The following NGEF variants were observed in gnomAD, a reference collection of about 807,000 sequenced individuals.
NGEF encodes neuronal guanine nucleotide exchange factor.
NGEF carries 31 observed loss-of-function variants against 80.9 expected under a neutral mutation model. The observed-to-expected ratio is 0.38, with a 90% confidence interval of 0.29 to 0.52. NGEF has a LOEUF of 0.52. Among genes scored for constraint, NGEF ranks in the 20% least tolerant of loss-of-function variants. NGEF has a pLI of 0.84. For synonymous variants in NGEF, 371 were observed against 370.2 expected (o/e 1.00, Z -0.03); for missense variants, 709 against 926.2 (o/e 0.77, Z 3.04).
intron 1 of NGEF, among the ~76,000 whole-genome samples, chr2:232,986,337 T>A (rs1406350810): frequency 6.6e-6 from 1 of 152,254 alleles, no homozygotes; most frequent in Non-Finnish European, 1.5e-5. Context: ...AACTACCATG[T>A]GACCCAGCAA....
intron 3 of NGEF, among the ~76,000 whole-genome samples, chr2:232,941,768 A>G (rs992113058): frequency 2.0e-5 from 3 of 152,216 alleles, no homozygotes; most frequent in Non-Finnish European, 4.4e-5. Flanking sequence ...TGTAGTCTCC[A>G]GATTTATTTG....
intron 3 of NGEF, among the ~76,000 whole-genome samples, 160 bp from the exon 4 acceptor site, chr2:232,927,346 G>A (rs538488365): frequency 1.3e-5 from 2 of 152,292 alleles, no homozygotes; most frequent in African/African-American, 4.8e-5. Flanking sequence ...CCTCCCGGCC[G>A]GGCGGGCCCC....
chr2:232,922,002 G>A (rs116248559), intron 4 of NGEF, among the ~76,000 whole-genome samples: 255 of 152,242 alleles, frequency 1.7e-3, no homozygotes, highest in African/African-American at 5.8e-3. Flanking sequence ...GCGTTGGGGT[G>A]GGGTGGATCG....
At chr2:232,905,866 C>CT in intron 5 of NGEF, 3 of 163,710 alleles carry the variant, frequency 1.8e-5, no homozygotes, top group South Asian at 1.4e-4. Flanking sequence ...CGTCTCCGTC[C>CT]GGCAGCCGCC....
At chr2:232,930,469 G>C (rs961045917) in intron 3 of NGEF, among the ~76,000 whole-genome samples, 1 of 152,026 alleles carries the variant, frequency 6.6e-6, no homozygotes, top group African/African-American at 2.4e-5. Context: ...ACAGGCACCC[G>C]CCACCACGCC....
intron 1 of NGEF, among the ~76,000 whole-genome samples, chr2:233,010,858 C>T (rs1019038736): frequency 6.6e-6 from 1 of 152,132 alleles, no homozygotes; most frequent in Non-Finnish European, 1.5e-5. Flanking sequence ...AATTCCACCC[C>T]CTGGTCTGAC....
At chr2:232,898,964 G>T (rs998874718) in intron 5 of NGEF, among the ~76,000 whole-genome samples, 1 of 151,482 alleles carries the variant, frequency 6.6e-6, no homozygotes, top group African/African-American at 2.5e-5. Context: ...GAATGTGTGT[G>T]TGAATGCATG....
At chr2:232,913,522 A>G (rs1692732116) in intron 5 of NGEF, among the ~76,000 whole-genome samples, 1 of 152,170 alleles carries the variant, frequency 6.6e-6, no homozygotes, top group Non-Finnish European at 1.5e-5. Context: ...ATAACCTTAC[A>G]GATGTTATGT....
chr2:232,900,622 G>A (rs28590434), intron 5 of NGEF, among the ~76,000 whole-genome samples: 28 of 67,386 alleles, frequency 4.2e-4, no homozygotes, highest in East Asian at 7.9e-4. Flanking sequence ...ATACACACAC[G>A]CTCTCACAGT....
At position 232,974,668 on chromosome 2, in the gene NGEF, C is replaced by T. The variant is rs1329515143; in HGVS notation, c.223G>A (p.Ala75Thr). The T allele has an allele frequency of 6.8e-6, 11 of 1,614,234 alleles. No homozygotes were observed. Among genetic ancestry groups the T allele is most frequent in the Non-Finnish European group, 9.3e-6 (11 of 1,180,046 alleles). Residue 75 changes from alanine to threonine, a missense_variant, in exon 2 of 15, where the codon GCC becomes ACC. By Grantham distance (58) the Ala-to-Thr change is moderately conservative. Coordinates refer to ENST00000264051, the MANE Select transcript of NGEF (RefSeq NM_019850.3). The stretch of plus-strand genomic sequence containing the variant: ...CGTTCGGGGTTGTCTCTGGCCTTGG[C>T]TTTGCTTTTGCGTCTTATGGAGCGA... The part of the protein sequence containing the change: ...FNRSIRRKSK[A>T]KARDNPERNA...
chr2:232,977,035 A>G (rs1444494392), intron 1 of NGEF, among the ~76,000 whole-genome samples: 2 of 152,178 alleles, frequency 1.3e-5, no homozygotes, highest in African/African-American at 4.8e-5. Flanking sequence ...TGCTTGTCTT[A>G]TGTGTGGCAA....
At chr2:232,907,872 G>A (rs146472987) in intron 5 of NGEF, among the ~76,000 whole-genome samples, 281 of 152,234 alleles carry the variant, frequency 1.8e-3, no homozygotes, top group African/African-American at 6.5e-3. Context: ...ACTTTGGGAG[G>A]CCGAGGCAGG....
chr2:232,880,662 G>T (rs771498553), intron 14 of NGEF, among the ~76,000 whole-genome samples: 1 of 152,140 alleles, frequency 6.6e-6, no homozygotes, highest in Admixed American at 6.5e-5. Flanking sequence ...GAGGAACTTC[G>T]CTTGGTACTG....
intron 3 of NGEF, among the ~76,000 whole-genome samples, chr2:232,965,883 T>C (rs1407839601): frequency 6.6e-6 from 1 of 151,934 alleles, no homozygotes; most frequent in East Asian, 1.9e-4. Flanking sequence ...CACAGGTTCA[T>C]GGGCAAGCTG....
intron 5 of NGEF, among the ~76,000 whole-genome samples, chr2:232,907,111 T>C (rs1001111448): frequency 1.4e-5 from 2 of 140,302 alleles, no homozygotes; most frequent in African/African-American, 5.4e-5. Context: ...TATTGTCCTA[T>C]GACCCTGCCA....
chr2:232,970,257 A>C lies in NGEF; in HGVS notation c.340T>G (p.Cys114Gly). 1 of 1,606,026 alleles carries C rather than the reference A, an allele frequency of 6.2e-7. No homozygotes were observed. The highest frequency in any genetic ancestry group is 8.5e-7 in the Non-Finnish European group (1 of 1,177,464). ...LNIPWSRMPP[C>G]RTAMQTDPGA... Reference sequence around the variant, plus strand: ...GGGTCTGTCTGCATTGCTGTTCTGCAAGGAGGCATTCTGCTCCAGGGGATA... The same window carrying C: ...GGGTCTGTCTGCATTGCTGTTCTGCCAGGAGGCATTCTGCTCCAGGGGATA... The change falls in exon 3 of 15, where the codon TGC becomes GGC. Residue 114 changes from cysteine (C) to glycine (G), a missense_variant. Coordinates refer to ENST00000264051, the MANE Select transcript of NGEF (RefSeq NM_019850.3).
At chr2:232,905,808 G>A (rs1292476518) in intron 5 of NGEF, 1 of 338,674 alleles carries the variant, frequency 3.0e-6, no homozygotes. Context: ...CGTCTGAGAA[G>A]TGAGGAGCCC....
At chr2:232,962,272 C>T (rs534732524) in intron 3 of NGEF, among the ~76,000 whole-genome samples, 36 of 152,370 alleles carry the variant, frequency 2.4e-4, no homozygotes, top group African/African-American at 8.7e-4. Flanking sequence ...TGCAGTGGCT[C>T]ATGCCTGTAA....
At chr2:232,970,367 G>T in intron 2 of NGEF, 39 bp from the exon 3 acceptor site, 1 of 1,348,244 alleles carries the variant, frequency 7.4e-7, no homozygotes, top group South Asian at 1.2e-5. Flanking sequence ...AGAAGATACA[G>T]ATCAACCCTT....
Sources: allele counts gnomAD v4.1 joint callset (sites outside exome capture counted in the v4.1 genomes callset), GRCh38; gene constraint gnomAD v4.1.1; transcripts MANE v1.5; gene names NCBI Gene and HGNC (gene_info 2026-07-23, HGNC 2026-07-21).